PLCB1: variants seen among roughly 807,000 people sequenced by gnomAD.
The protein encoded by PLCB1 is phospholipase C beta 1.
PLCB1 carries 46 observed loss-of-function variants against 161.8 expected under a neutral mutation model. The ratio of observed to expected loss-of-function variants is 0.28; its 90% confidence interval spans 0.22 to 0.36. The LOEUF (loss-of-function observed/expected upper bound fraction) is 0.36, where lower values mean the gene tolerates loss of function less well. Ranked by LOEUF, PLCB1 falls within the 10% of genes least tolerant of loss-of-function variation. The pLI is 1.00. For synonymous variants in PLCB1, 517 were observed against 503.7 expected (o/e 1.03, Z -0.35); for missense variants, 1,016 against 1,472.5 (o/e 0.69, Z 5.07).
intron 3 of PLCB1, among the ~76,000 whole-genome samples, chr20:8,481,503 G>T (rs1014836383): frequency 5.3e-5 from 8 of 152,162 alleles, no homozygotes; most frequent in Non-Finnish European, 1.0e-4. Flanking sequence ...TTTACTGGTT[G>T]GTGGTTGCAT....
At chr20:8,291,012 A>G (rs1983357376) in intron 2 of PLCB1, among the ~76,000 whole-genome samples, 1 of 151,518 alleles carries the variant, frequency 6.6e-6, no homozygotes, top group Admixed American at 6.6e-5. Flanking sequence ...CTTGGCTTTT[A>G]GTGGACCCTC....
chr20:8,439,992 G>A (rs933813565), intron 3 of PLCB1, among the ~76,000 whole-genome samples: 14 of 151,776 alleles, frequency 9.2e-5, no homozygotes, highest in African/African-American at 2.9e-4. Flanking sequence ...TCTTGTTAAG[G>A]GTACATAAGG....
Position 8,689,732 on chromosome 20 carries a change from C to A in PLCB1, c.1009+4654C>A, listed in dbSNP as rs1377649740. Among the ~76,000 whole-genome samples, 3 of 151,674 alleles carry A rather than the reference C, an allele frequency of 2.0e-5. No individual in the cohort carries two copies. The East Asian group carries it at 5.9e-4, about 30-fold the overall frequency. The stretch of plus-strand genomic sequence containing the variant: ...TAAAAATTTACAATCAAATTAATTT[C>A]TTCTTCTAAATTAATTTCTTCTGAA... On this transcript the variant is annotated intron_variant, in intron 10 of 31. Transcript: ENST00000338037.
chr20:8,554,453 G>A (rs1023633434), intron 3 of PLCB1, among the ~76,000 whole-genome samples: 1 of 152,164 alleles, frequency 6.6e-6, no homozygotes, highest in African/African-American at 2.4e-5. Context: ...AATGCATTCA[G>A]TCTAGTGATG....
chr20:8,200,495 A>T (rs2052081335), intron 2 of PLCB1, among the ~76,000 whole-genome samples: 1 of 152,022 alleles, frequency 6.6e-6, no homozygotes, highest in Non-Finnish European at 1.5e-5. Flanking sequence ...ATGTGCTTTC[A>T]AAATTTTATT....
At chr20:8,497,051 G>A (rs1182681257) in intron 3 of PLCB1, among the ~76,000 whole-genome samples, 2 of 152,152 alleles carry the variant, frequency 1.3e-5, no homozygotes, top group Non-Finnish European at 1.5e-5. Context: ...TTTTAAGACT[G>A]TTACGATTAG....
At chr20:8,687,541 C>T (rs964307831) in intron 10 of PLCB1, among the ~76,000 whole-genome samples, 1 of 152,078 alleles carries the variant, frequency 6.6e-6, no homozygotes, top group African/African-American at 2.4e-5. Context: ...TATGCCTTTG[C>T]GTCCTCATAG....
chr20:8,657,365 T>C, intron 8 of PLCB1, 81 bp downstream of exon 8: 2 of 818,514 alleles, frequency 2.4e-6, no homozygotes, highest in East Asian at 2.4e-5. Context: ...GGAGTGGTAA[T>C]TGGAGATGGA....
At chr20:8,346,803 T>G (rs2122242625) in intron 2 of PLCB1, among the ~76,000 whole-genome samples, 1 of 152,130 alleles carries the variant, frequency 6.6e-6, no homozygotes, top group South Asian at 2.1e-4. Flanking sequence ...ATAGTAGGAG[T>G]TATGTCTCTG....
At position 8,462,819 on chromosome 20, in the gene PLCB1, G is replaced by A. The variant is rs73593750; in HGVS notation, c.246+91369G>A. ...CTTTCCTCCACAATAAGGCTTAGACGCAAAACACTTCGTTTTCCTGATCAC... is the reference window on the plus strand; with the variant it reads ...CTTTCCTCCACAATAAGGCTTAGACACAAAACACTTCGTTTTCCTGATCAC... On this transcript the variant is annotated intron_variant, in intron 3 of 31. Transcript: ENST00000338037. Among the ~76,000 whole-genome samples the A allele has an allele frequency of 8.1e-3, 1,228 of 151,974 alleles. 37 individuals carry two copies. Among genetic ancestry groups the A allele is most frequent in the African/African-American group, 0.028 (1,165 of 41,384 alleles).
chr20:8,161,550 A>C (rs1600207952), intron 2 of PLCB1, among the ~76,000 whole-genome samples: 1 of 152,336 alleles, frequency 6.6e-6, no homozygotes, highest in East Asian at 1.9e-4. Flanking sequence ...GAACCTGTTT[A>C]ATATGTAAAG....
At chr20:8,363,871 T>C (rs1233102152) in intron 2 of PLCB1, among the ~76,000 whole-genome samples, 2 of 152,178 alleles carry the variant, frequency 1.3e-5, no homozygotes, top group Admixed American at 1.3e-4. Flanking sequence ...CAGAGAAATA[T>C]GATAATTAGG....
intron 2 of PLCB1, among the ~76,000 whole-genome samples, chr20:8,236,736 A>T (rs1358905274): frequency 6.6e-6 from 1 of 152,054 alleles, no homozygotes; most frequent in East Asian, 1.9e-4. Context: ...AAAATAGATG[A>T]CATTTTAGAA....
intron 4 of PLCB1, among the ~76,000 whole-genome samples, chr20:8,637,762 G>T (rs1194148278): frequency 6.6e-6 from 1 of 152,200 alleles, no homozygotes; most frequent in Non-Finnish European, 1.5e-5. Context: ...TGGCCTAGCA[G>T]AAAATTATAG....
chr20:8,228,934 A>G (rs1441414058), intron 2 of PLCB1, among the ~76,000 whole-genome samples: 1 of 152,118 alleles, frequency 6.6e-6, no homozygotes, highest in Non-Finnish European at 1.5e-5. Flanking sequence ...TTGAAAATAT[A>G]TACAATTTTT....
At chr20:8,734,965 G>T (rs887793247) in intron 19 of PLCB1, among the ~76,000 whole-genome samples, 22 of 152,142 alleles carry the variant, frequency 1.4e-4, no homozygotes, top group Admixed American at 1.4e-3. Flanking sequence ...AGGGTTTAAA[G>T]AATAAAATTT....
At chr20:8,142,051 A>G (rs1427575247) in intron 1 of PLCB1, 2 of 152,236 alleles carry the variant, frequency 1.3e-5, no homozygotes, top group African/African-American at 2.4e-5. Context: ...CCTTGTTTAT[A>G]TTACAACTAG....
chr20:8,157,999 G>C (rs2051580229), intron 2 of PLCB1, among the ~76,000 whole-genome samples: 1 of 152,132 alleles, frequency 6.6e-6, no homozygotes, highest in Non-Finnish European at 1.5e-5. Context: ...GGTTTCATAA[G>C]TTGCATATAT....
At chr20:8,281,112 C>G (rs1440619637) in intron 2 of PLCB1, among the ~76,000 whole-genome samples, 2 of 152,028 alleles carry the variant, frequency 1.3e-5, no homozygotes, top group Non-Finnish European at 2.9e-5. Context: ...GATGGCATTG[C>G]AAATTAAATA....
Sources: allele counts gnomAD v4.1 joint callset (sites outside exome capture counted in the v4.1 genomes callset), GRCh38; gene constraint gnomAD v4.1.1; transcripts MANE v1.5; gene names NCBI Gene and HGNC (gene_info 2026-07-23, HGNC 2026-07-21).